PTPRT: variants seen among roughly 807,000 people sequenced by gnomAD.
PTPRT encodes the protein receptor-type tyrosine-protein phosphatase T.
PTPRT carries 56 observed loss-of-function variants against 176.8 expected under a neutral mutation model. The observed-to-expected ratio is 0.32, with a 90% CI of 0.26 to 0.40. The LOEUF (loss-of-function observed/expected upper bound fraction) is 0.40. PTPRT is among the 10% of genes least tolerant of loss of function. PTPRT has a pLI of 1.00. For missense variants in PTPRT, 1,540 were observed against 1,908.2 expected (o/e 0.81, Z 3.60); for synonymous variants, 783 against 739.0 (o/e 1.06, Z -0.96).
intron 1 of PTPRT, among the ~76,000 whole-genome samples, chr20:43,020,448 A>G (rs971587641): frequency 1.3e-5 from 2 of 152,102 alleles, no homozygotes; most frequent in Non-Finnish European, 2.9e-5. Flanking sequence ...GGACAATGGA[A>G]TACTCACTCT....
Position 42,472,619 on chromosome 20 carries a change from G to T in PTPRT, c.1154-57C>A. 1.9e-6 allele frequency: 3 copies of T among 1,548,560 alleles called. No homozygotes were observed. The South Asian group carries it at 3.6e-5, about 19-fold the overall frequency. On this transcript the variant is annotated intron_variant, in intron 7 of 30. Transcript: ENST00000373187. The stretch of plus-strand genomic sequence containing the variant: ...CTGAAGAGACCATCGGGAAGCTGGG[G>T]TACATGTTCTGCTACAACAGGGAAC...
At chr20:42,643,188 C>T (rs956953562) in intron 7 of PTPRT, among the ~76,000 whole-genome samples, 2 of 152,160 alleles carry the variant, frequency 1.3e-5, no homozygotes, top group Non-Finnish European at 2.9e-5. Context: ...CATTACTTCA[C>T]ACATACTATT....
chr20:42,065,096 C>G, the PTPRT span, among the ~76,000 whole-genome samples: 3 of 152,200 alleles, frequency 2.0e-5, no homozygotes, highest in African/African-American at 4.8e-5. Context: ...TCCTGGACAT[C>G]CAGCCCAGTC....
chr20:42,244,907 G>C (rs761890817), intron 14 of PTPRT, among the ~76,000 whole-genome samples: 7 of 152,160 alleles, frequency 4.6e-5, no homozygotes, highest in African/African-American at 1.4e-4. Context: ...AGAAAACATA[G>C]AGTTGGTCAT....
chr20:42,649,943 A>G (rs897662042), intron 7 of PTPRT, among the ~76,000 whole-genome samples: 1 of 152,166 alleles, frequency 6.6e-6, no homozygotes, highest in Non-Finnish European at 1.5e-5. Context: ...GGGCAGTAAG[A>G]GCCTGCTCCA....
At chr20:43,174,017 A>G (rs1433919376) in intron 1 of PTPRT, among the ~76,000 whole-genome samples, 1 of 152,186 alleles carries the variant, frequency 6.6e-6, no homozygotes, top group African/African-American at 2.4e-5. Flanking sequence ...GCCTCATGGG[A>G]TCATTATGAG....
chr20:42,434,500 A>G lies in PTPRT; in HGVS notation c.1560+13720T>C, dbSNP rs112319801. Among the ~76,000 whole-genome samples the G allele has an allele frequency of 4.7e-3, 710 of 152,192 alleles. 6 individuals are homozygous for G. Among genetic ancestry groups the G allele is most frequent in the African/African-American group, 0.016 (649 of 41,518 alleles). On this transcript the variant is annotated intron_variant, in intron 9 of 30. Coordinates refer to ENST00000373187, the MANE Select transcript of PTPRT (RefSeq NM_007050.6). ...TGGTCACTGGAACCTCATATAGTCT[A>G]TTAGAGATTATTATAAGACTTGGGA...
At chr20:42,445,926 A>G (rs1477770134) in intron 9 of PTPRT, among the ~76,000 whole-genome samples, 1 of 152,180 alleles carries the variant, frequency 6.6e-6, no homozygotes, top group Non-Finnish European at 1.5e-5. Context: ...TTCTACTCAA[A>G]CACAGAGTCT....
Position 42,482,800 on chromosome 20 carries a change from G to A in PTPRT, c.1154-10238C>T, listed in dbSNP as rs1228555858. Among the ~76,000 whole-genome samples the A allele has an allele frequency of 3.3e-5, 5 of 151,800 alleles. No homozygotes were observed. In the East Asian group the frequency reaches 5.8e-4, roughly 18 times the overall value. On this transcript the variant is annotated intron_variant, in intron 7 of 30. Coordinates refer to ENST00000373187, the MANE Select transcript of PTPRT (RefSeq NM_007050.6). ...CTGAAGTTTTTACTTTTTTTCCCAC[G>A]GCTTAGCTCGAAATATTTTTTGAGC...
chr20:42,300,945 CTG>C (rs1222405717), intron 12 of PTPRT, among the ~76,000 whole-genome samples: 1 of 117,896 alleles, frequency 8.5e-6, no homozygotes, highest in African/African-American at 3.4e-5. Context: ...ACATCACACT[CTG>C]GGGTCTGTTG....
At chr20:42,606,611 TGAAACTGAGGCTCCAA>T (rs1452908268) in intron 7 of PTPRT, 4 of 152,210 alleles carry the variant, frequency 2.6e-5, no homozygotes, top group African/African-American at 7.2e-5. Flanking sequence ...TTACAGATGA[TGAAACTGAGGCTCCAA>T]GAAACTGAGT....
intron 9 of PTPRT, among the ~76,000 whole-genome samples, chr20:42,385,197 G>A (rs2058733692): frequency 6.6e-6 from 1 of 151,980 alleles, no homozygotes. Context: ...TTTCTTCTAG[G>A]TGTCTTACAG....
chr20:42,262,816 T>C (rs1263437129), intron 13 of PTPRT, among the ~76,000 whole-genome samples: 1 of 151,228 alleles, frequency 6.6e-6, no homozygotes. Flanking sequence ...CTTGTACATA[T>C]GCCATGTTCA....
intron 27 of PTPRT, among the ~76,000 whole-genome samples, chr20:42,091,576 T>A (rs950159401): frequency 6.6e-6 from 1 of 152,184 alleles, no homozygotes; most frequent in Non-Finnish European, 1.5e-5. Flanking sequence ...AAGAAATCAA[T>A]CCCAGGCCAC....
chr20:42,638,572 A>C (rs936589017), intron 7 of PTPRT, among the ~76,000 whole-genome samples: 1 of 152,148 alleles, frequency 6.6e-6, no homozygotes, highest in Non-Finnish European at 1.5e-5. Context: ...TGACTAAATG[A>C]ATCCTGACTA....
intron 6 of PTPRT, among the ~76,000 whole-genome samples, chr20:42,739,708 T>G (rs1184384086): frequency 6.6e-6 from 1 of 152,194 alleles, no homozygotes; most frequent in South Asian, 2.1e-4. Context: ...TGAAATTCAT[T>G]ACAACAAAAA....
At chr20:42,876,904 G>A (rs1214764987) in intron 2 of PTPRT, among the ~76,000 whole-genome samples, 2 of 152,116 alleles carry the variant, frequency 1.3e-5, no homozygotes, top group Non-Finnish European at 2.9e-5. Context: ...GCTGTGAGGG[G>A]AGTCAGGGAG....
At chr20:42,819,135 T>A (rs2077843960) in intron 2 of PTPRT, among the ~76,000 whole-genome samples, 1 of 152,054 alleles carries the variant, frequency 6.6e-6, no homozygotes, top group Non-Finnish European at 1.5e-5. Context: ...GAAAAACTAT[T>A]AAGGGCAGAC....
chr20:42,386,407 T>C lies in PTPRT; in HGVS notation c.1561-34122A>G, dbSNP rs371962347. ...AGGTAAAACTGAGAGAATTTGAAGA[T>C]CCTCTGGAGGTACAGGATGAGGGAT... is the stretch of plus-strand genomic sequence containing the variant. On this transcript the variant is annotated intron_variant, in intron 9 of 30. Transcript: ENST00000373187. 1.6e-3 allele frequency among the ~76,000 whole-genome samples: 236 copies of C among 152,206 alleles called. 5 individuals carry two copies. The South Asian group carries it at 0.047, about 30-fold the overall frequency.
Sources: gnomAD v4.1 joint callset for allele counts (sites outside exome capture counted in the v4.1 genomes callset) on GRCh38, gnomAD v4.1.1 for gene constraint, MANE v1.5 for transcripts, NCBI Gene and HGNC (gene_info 2026-07-23, HGNC 2026-07-21) for gene names.